Variants in KCNJ6 observed in about 807,000 individuals in gnomAD.
KCNJ6 encodes the protein potassium inwardly rectifying channel subfamily J member 6.
In KCNJ6, 9 loss-of-function variants were observed where a neutral mutation model predicts 34.2. The observed-to-expected ratio is 0.26, with a 90% CI of 0.16 to 0.46. KCNJ6 has a LOEUF of 0.46. Among genes scored for constraint, KCNJ6 ranks in the 20% least tolerant of loss-of-function variants. The pLI is 1.00. For missense variants in KCNJ6, 236 were observed against 531.3 expected (o/e 0.44, Z 5.46); for synonymous variants, 196 against 207.1 (o/e 0.95, Z 0.46).
intron 1 of KCNJ6, among the ~76,000 whole-genome samples, chr21:37,842,508 G>A (rs554570040): frequency 6.6e-6 from 1 of 152,182 alleles, no homozygotes; most frequent in African/African-American, 2.4e-5. Context: ...TCATGACAAC[G>A]AAATCAGCAC....
At chr21:37,748,771 T>C (rs1393338675) in intron 2 of KCNJ6, among the ~76,000 whole-genome samples, 1 of 152,186 alleles carries the variant, frequency 6.6e-6, no homozygotes, top group Non-Finnish European at 1.5e-5. Flanking sequence ...CTTGGCTTTG[T>C]AGCACAAAGG....
rs138551762 is a variant in KCNJ6, at chr21:37,676,327, C to T, written c.946+37884G>A. Among the ~76,000 whole-genome samples, 560 of 152,322 alleles carry T rather than the reference C, an allele frequency of 3.7e-3. 3 individuals are homozygous for T. Among genetic ancestry groups the T allele is most frequent in the African/African-American group, 0.011 (467 of 41,568 alleles). On this transcript the variant is annotated intron_variant, in intron 3 of 3. Transcript: ENST00000609713. The stretch of plus-strand genomic sequence containing the variant: ...TCCAGAAGCACATGGTAGGACAGGC[C>T]GGGCAGGCCAGGTAGGCCCTAAGCT...
At chr21:37,813,434 C>T (rs919553980) in intron 2 of KCNJ6, among the ~76,000 whole-genome samples, 3 of 152,030 alleles carry the variant, frequency 2.0e-5, no homozygotes, top group Non-Finnish European at 4.4e-5. Context: ...CAGAAGAAAC[C>T]CAGAAAAGCC....
At chr21:37,713,120 A>G (rs1433965707) in intron 3 of KCNJ6, among the ~76,000 whole-genome samples, 8 of 152,158 alleles carry the variant, frequency 5.3e-5, no homozygotes, top group African/African-American at 1.9e-4. Flanking sequence ...TGTTGGGTAC[A>G]GGGAGGTAGA....
At chr21:37,674,927 G>T (rs970568921) in intron 3 of KCNJ6, among the ~76,000 whole-genome samples, 51 of 152,182 alleles carry the variant, frequency 3.4e-4, no homozygotes, top group Admixed American at 4.6e-4. Flanking sequence ...TTGAATGAAA[G>T]AAATCTGGAC....
At chr21:37,644,870 G>A (rs1467979723) in intron 3 of KCNJ6, among the ~76,000 whole-genome samples, 1 of 152,152 alleles carries the variant, frequency 6.6e-6, no homozygotes, top group African/African-American at 2.4e-5. Context: ...AAGGGAGACT[G>A]GCGAAACAAT....
chr21:37,680,805 GTA>G (rs2054587327), intron 3 of KCNJ6, among the ~76,000 whole-genome samples: 1 of 152,154 alleles, frequency 6.6e-6, no homozygotes, highest in Admixed American at 6.5e-5. Flanking sequence ...AATAAATCAT[GTA>G]TATTTGTATC....
intron 1 of KCNJ6, among the ~76,000 whole-genome samples, chr21:37,845,269 A>G (rs2055500850): frequency 6.6e-6 from 1 of 152,242 alleles, no homozygotes; most frequent in Admixed American, 6.5e-5. Context: ...TTCTTTTAAA[A>G]TGAAAAGAAA....
intron 2 of KCNJ6, among the ~76,000 whole-genome samples, chr21:37,810,263 G>C (rs8130213): frequency 0.87 from 132,381 of 152,192 alleles, 57,786 homozygotes; most frequent in East Asian, 0.97. Context: ...TGACTTCATG[G>C]TATTCCATTG....
chr21:37,811,167 T>C (rs1194338385), intron 2 of KCNJ6, among the ~76,000 whole-genome samples: 1 of 152,200 alleles, frequency 6.6e-6, no homozygotes, highest in Non-Finnish European at 1.5e-5. Context: ...ACACATCCCA[T>C]GCCAGGAGGC....
chr21:37,647,555 C>G (rs2054411178), intron 3 of KCNJ6, among the ~76,000 whole-genome samples: 1 of 152,172 alleles, frequency 6.6e-6, no homozygotes, highest in Non-Finnish European at 1.5e-5. Flanking sequence ...AATCACTTCT[C>G]TCATGAAGCT....
At chr21:37,697,376 G>A (rs112932159) in intron 3 of KCNJ6, among the ~76,000 whole-genome samples, 2,436 of 152,274 alleles carry the variant, frequency 0.016, 45 homozygotes, top group East Asian at 0.048. Flanking sequence ...GGGGAAAGGA[G>A]CCATAGAAAG....
chr21:37,800,098 G>A (rs1388354381), intron 2 of KCNJ6, among the ~76,000 whole-genome samples: 2 of 152,166 alleles, frequency 1.3e-5, no homozygotes, highest in African/African-American at 4.8e-5. Flanking sequence ...CTCAGCTAAA[G>A]TCCTGGAAGA....
At chr21:37,731,039 A>T (rs895838516) in intron 2 of KCNJ6, among the ~76,000 whole-genome samples, 1 of 152,120 alleles carries the variant, frequency 6.6e-6, no homozygotes, top group African/African-American at 2.4e-5. Context: ...ACCCTCCATC[A>T]AGTTGGTCCC....
chr21:37,648,618 G>C (rs949022858), intron 3 of KCNJ6, among the ~76,000 whole-genome samples: 1 of 152,052 alleles, frequency 6.6e-6, no homozygotes, highest in Non-Finnish European at 1.5e-5. Context: ...ATTGCCAATA[G>C]GTGCAAGTTT....
At chr21:37,889,529 G>A (rs1876268918) in intron 1 of KCNJ6, among the ~76,000 whole-genome samples, 1 of 152,174 alleles carries the variant, frequency 6.6e-6, no homozygotes, top group Admixed American at 6.5e-5. Context: ...TTTGGGTGGT[G>A]TTCCTAGAGG....
At chr21:37,905,856 GGACATAGCT>G (rs1325669509) in intron 1 of KCNJ6, among the ~76,000 whole-genome samples, 2 of 152,164 alleles carry the variant, frequency 1.3e-5, no homozygotes, top group Admixed American at 1.3e-4. Flanking sequence ...AGACAATTCT[GGACATAGCT>G]ATGAAGCGCC....
At chr21:37,660,366 C>G (rs2054482586) in intron 3 of KCNJ6, among the ~76,000 whole-genome samples, 1 of 152,172 alleles carries the variant, frequency 6.6e-6, no homozygotes. Flanking sequence ...CATCATGTGC[C>G]CCAGGCTGGC....
rs973903691 is a variant in KCNJ6 at position 37,621,690 on chromosome 21, C to G, written c.*3469G>C. On this transcript the variant is annotated 3_prime_UTR_variant, in exon 4 of 4. Transcript: ENST00000609713. The stretch of plus-strand genomic sequence containing the variant: ...CTGTTAGGGAACATAAGGTACTGAA[C>G]TAAAACAATAGAATTGGAACTGGAG... 6.6e-6 allele frequency: 1 copy of G among 152,232 alleles called. No homozygotes were observed. Among genetic ancestry groups the G allele is most frequent in the South Asian group, 2.1e-4 (1 of 4,814 alleles). The allele number at this position is 152,232 out of a possible 1,614,324, so 9.4% of individuals were successfully genotyped here.
Sources: allele counts gnomAD v4.1 joint callset (sites outside exome capture counted in the v4.1 genomes callset), GRCh38; gene constraint gnomAD v4.1.1; transcripts MANE v1.5; gene names NCBI Gene and HGNC (gene_info 2026-07-23, HGNC 2026-07-21).